The following MEP1B variants were observed in gnomAD, a reference collection of about 807,000 sequenced individuals.
MEP1B encodes the protein N-benzoyl-L-tyrosyl-P-amino-benzoic acid hydrolase subunit beta.
Under a neutral mutation model 84.6 loss-of-function variants are expected in MEP1B, and 80 were observed. The ratio of observed to expected loss-of-function variants is 0.95; its 90% CI spans 0.79 to 1.14. The LOEUF (loss-of-function observed/expected upper bound fraction) is 1.14. MEP1B is among the 50% of genes most tolerant of loss of function. The probability of loss-of-function intolerance (pLI) is 0.00; values close to 1 mark genes in which losing one functional copy is unlikely to be tolerated. For synonymous variants in MEP1B, 273 were observed against 288.1 expected (o/e 0.95, Z 0.53); for missense variants, 766 against 855.1 (o/e 0.90, Z 1.30).
intron 5 of MEP1B, among the ~76,000 whole-genome samples, chr18:32,197,176 G>A (rs191054655): frequency 1.1e-3 from 164 of 152,266 alleles, no homozygotes; most frequent in African/African-American, 3.9e-3. Context: ...TATTAGTGTA[G>A]TATTAAAATG....
chr18:32,210,110 C>T (rs1448934782), intron 9 of MEP1B, among the ~76,000 whole-genome samples: 1 of 152,140 alleles, frequency 6.6e-6, no homozygotes, highest in Non-Finnish European at 1.5e-5. Context: ...GAAAGGTGTC[C>T]CATGTAGAAT....
chr18:32,213,302 T>C lies in MEP1B; in HGVS notation c.1322T>C (p.Ile441Thr), dbSNP rs776503222. Residue 441 changes from isoleucine to threonine, a missense_variant, in exon 11 of 15, where the codon ATT becomes ACT. Physicochemically the swap from Ile to Thr is moderately conservative, Grantham distance 89. Transcript: ENST00000269202. The part of the protein sequence containing the change: ...IWHIRNFTQF[I>T]GSPNGTLYSP... The stretch of plus-strand genomic sequence containing the variant: ...CATATAAGGAATTTCACACAGTTCA[T>C]TGGCAGCCCAAATGGAACTCTGTAT... 2 of 1,613,986 alleles carry C rather than the reference T, an allele frequency of 1.2e-6. No individual in the cohort carries two copies. The highest frequency in any genetic ancestry group is 1.7e-6 in the Non-Finnish European group (2 of 1,179,866).
intron 8 of MEP1B, 29 bp downstream of exon 8, chr18:32,207,499 A>G (rs1368797986): frequency 4.7e-6 from 7 of 1,487,546 alleles, no homozygotes; most frequent in Non-Finnish European, 5.6e-6. Flanking sequence ...GAAATGACTT[A>G]TATTTTCCGC....
chr18:32,217,632 TA>T, intron 13 of MEP1B, 128 bp from the exon 14 acceptor site: 1 of 763,302 alleles, frequency 1.3e-6, no homozygotes. Flanking sequence ...CCAGAGTGGG[TA>T]AAATAGTTTC....
chr18:32,207,520 G>A (rs1568269537), intron 8 of MEP1B, 50 bp downstream of exon 8: 1 of 1,308,148 alleles, frequency 7.6e-7, no homozygotes, highest in Middle Eastern at 1.8e-4. Context: ...TGTTATGTAG[G>A]AAAAAATGAT....
chr18:32,218,227 A>G (rs2041114327), intron 14 of MEP1B, among the ~76,000 whole-genome samples: 1 of 151,742 alleles, frequency 6.6e-6, no homozygotes, highest in Non-Finnish European at 1.5e-5. Flanking sequence ...TTTTTCCTGG[A>G]GTGTGGGGTG....
At chr18:32,204,469 T>C in intron 7 of MEP1B, 109 bp downstream of exon 7, 1 of 951,784 alleles carries the variant, frequency 1.1e-6, no homozygotes, top group Non-Finnish European at 1.6e-6. Flanking sequence ...CTTTGATGTT[T>C]TGATGTCTTA....
chr18:32,190,387 G>A (rs1037960316), intron 1 of MEP1B, among the ~76,000 whole-genome samples: 4 of 152,084 alleles, frequency 2.6e-5, no homozygotes, highest in African/African-American at 9.7e-5. Flanking sequence ...TTCTTTTGAT[G>A]AGATTATAAA....
intron 9 of MEP1B, among the ~76,000 whole-genome samples, chr18:32,208,693 A>G (rs1213847920): frequency 6.6e-6 from 1 of 152,260 alleles, no homozygotes; most frequent in Non-Finnish European, 1.5e-5. Flanking sequence ...TGTTACAAAA[A>G]TATCTAAAAA....
At chr18:32,212,201 AT>A (rs2144420710) in intron 10 of MEP1B, among the ~76,000 whole-genome samples, 1 of 151,948 alleles carries the variant, frequency 6.6e-6, no homozygotes, top group South Asian at 2.1e-4. Flanking sequence ...GGTCCTTCCT[AT>A]TAGCAATCTG....
At chr18:32,198,808 T>C (rs1195131143) in intron 5 of MEP1B, among the ~76,000 whole-genome samples, 5 of 152,188 alleles carry the variant, frequency 3.3e-5, no homozygotes, top group Admixed American at 6.5e-5. Context: ...GGTTGAAGTA[T>C]AGAAGATGTG....
chr18:32,204,407 C>T (rs17663067), intron 7 of MEP1B, 47 bp downstream of exon 7: 321,496 of 1,481,798 alleles, frequency 0.22, 37,090 homozygotes, highest in Non-Finnish European at 0.24. Flanking sequence ...GACTGAATTT[C>T]TAAGCATGTG....
Position 32,207,393 on chromosome 18 carries a change from AC to A in MEP1B, c.690del (p.Phe231LeufsTer4). 6.2e-7 allele frequency: 1 copy of A among 1,613,552 alleles called. No homozygotes were observed. The highest frequency in any genetic ancestry group is 8.5e-7 in the Non-Finnish European group (1 of 1,179,732). On this transcript the variant is annotated frameshift_variant, in exon 8 of 15. Transcript: ENST00000269202. LOFTEE classifies it high-confidence loss of function. ...TEPTIVTRISDFEDVIGQRMD... is the reference protein window; with the variant it reads ...TEPTIVTRISXFEDVIGQRMD... ...CCGACAATTGTCACAAGAATCTCAG[AC>A]TTTGAGGATGTGATCGGCCAACGAA...
intron 5 of MEP1B, among the ~76,000 whole-genome samples, chr18:32,201,053 T>C (rs763234779): frequency 3.9e-5 from 6 of 152,148 alleles, no homozygotes; most frequent in Non-Finnish European, 8.8e-5. Context: ...AGATCTTATC[T>C]TGGTAAAGGG....
intron 14 of MEP1B, among the ~76,000 whole-genome samples, 161 bp downstream of exon 14, chr18:32,218,126 G>A (rs2144439453): frequency 6.6e-6 from 1 of 152,290 alleles, no homozygotes; most frequent in South Asian, 2.1e-4. Context: ...TACTTTCACT[G>A]TAAATCAACG....
In MEP1B at chr18:32,201,742, G is replaced by A. The variant is rs186225961; in HGVS notation, c.251-1151G>A. On this transcript the variant is annotated intron_variant, in intron 5 of 14. Transcript: ENST00000269202. ...TATCAATTTTTAACTTATTTATAAC[G>A]ATAGTGTATTACTTATGTGGTATTG... is the stretch of plus-strand genomic sequence containing the variant. Among the ~76,000 whole-genome samples, 133 of 152,096 alleles carry A rather than the reference G, an allele frequency of 8.7e-4. 1 individual carries two copies. The East Asian group carries it at 0.017, about 20-fold the overall frequency.
At chr18:32,210,813 C>T (rs1448630898) in intron 10 of MEP1B, 97 bp downstream of exon 10, 4 of 936,004 alleles carry the variant, frequency 4.3e-6, no homozygotes, top group Non-Finnish European at 6.7e-6. Context: ...GCAGGGGCTA[C>T]TGAGTCACTA....
rs1446731171 is a variant in MEP1B, at chr18:32,190,139, G to GA, written c.63+9dup. 6.2e-7 allele frequency: 1 copy of GA among 1,610,202 alleles called. No individual in the cohort carries two copies. On this transcript the variant is annotated splice_region_variant and intron_variant, in intron 1 of 14. Coordinates refer to ENST00000269202, the MANE Select transcript of MEP1B (RefSeq NM_005925.3). ...TTCTCGTGATTTCTGGCTTGGTAAG[G>GA]AAACAGTATATAGAAGATAATTTAA... is the stretch of plus-strand genomic sequence containing the variant.
Position 32,207,483 on chromosome 18 carries a change from T to C in MEP1B, c.766+13T>C, listed in dbSNP as rs1279678616. On this transcript the variant is annotated intron_variant, in intron 8 of 14. Transcript: ENST00000269202. Reference sequence around the variant, plus strand: ...CTGTATAACTGCTGTATGTGACAGGTTCTTTGAAATGACTTATATTTTCCG... The same window carrying C: ...CTGTATAACTGCTGTATGTGACAGGCTCTTTGAAATGACTTATATTTTCCG... 1.3e-6 allele frequency: 2 copies of C among 1,558,256 alleles called. No homozygotes were observed. Among genetic ancestry groups the C allele is most frequent in the African/African-American group, 1.4e-5 (1 of 73,956 alleles).
Sources: gnomAD v4.1 joint callset for allele counts (sites outside exome capture counted in the v4.1 genomes callset) on GRCh38, gnomAD v4.1.1 for gene constraint, MANE v1.5 for transcripts, NCBI Gene and HGNC (gene_info 2026-07-23, HGNC 2026-07-21) for gene names.